Variants in PLCB1 observed in about 807,000 individuals in gnomAD.
The protein encoded by PLCB1 is phospholipase C beta 1.
A neutral mutation model predicts 161.8 loss-of-function variants in PLCB1; 46 were observed. That is an observed-to-expected ratio of 0.28 (90% CI 0.22 to 0.36). The LOEUF (loss-of-function observed/expected upper bound fraction) is 0.36, where lower values mean the gene tolerates loss of function less well. PLCB1 is among the 10% of genes least tolerant of loss of function. The probability of loss-of-function intolerance (pLI) is 1.00; values close to 1 mark genes in which losing one functional copy is unlikely to be tolerated. For synonymous variants in PLCB1, 517 were observed against 503.7 expected, an observed-to-expected ratio of 1.03 and a Z score of -0.35; for missense variants, 1,016 against 1,472.5, an observed-to-expected ratio of 0.69 and a Z score of 5.07.
intron 14 of PLCB1, among the ~76,000 whole-genome samples, chr20:8,721,894 A>G (rs1343266625): frequency 2.0e-5 from 3 of 152,146 alleles, no homozygotes; most frequent in African/African-American, 7.2e-5. Flanking sequence ...CTGGCCACGC[A>G]TTGCATGGAA....
At chr20:8,821,348 C>T (rs1456523124) in intron 31 of PLCB1, among the ~76,000 whole-genome samples, 1 of 150,014 alleles carries the variant, frequency 6.7e-6, no homozygotes, top group Non-Finnish European at 1.5e-5. Flanking sequence ...ACATGGTGGC[C>T]TGCGTCTGTA....
intron 3 of PLCB1, among the ~76,000 whole-genome samples, chr20:8,433,324 A>C (rs139628898): frequency 2.8e-4 from 42 of 151,480 alleles, no homozygotes; most frequent in Non-Finnish European, 5.5e-4. Context: ...AGAACAAGAA[A>C]GGATTCTAGA....
At chr20:8,156,971 T>C (rs1398251749) in intron 2 of PLCB1, among the ~76,000 whole-genome samples, 3 of 152,224 alleles carry the variant, frequency 2.0e-5, no homozygotes, top group Non-Finnish European at 4.4e-5. Context: ...TTTATTTATG[T>C]ATATCTTTTT....
intron 4 of PLCB1, among the ~76,000 whole-genome samples, chr20:8,629,869 C>A (rs1568536027): frequency 1.2e-5 from 1 of 80,134 alleles, no homozygotes; most frequent in African/African-American, 4.7e-5. Context: ...TTCTTTCTTT[C>A]TTTCTTTCTC....
intron 9 of PLCB1, among the ~76,000 whole-genome samples, chr20:8,666,281 A>G (rs73078020): frequency 0.036 from 5,466 of 152,210 alleles, 145 homozygotes; most frequent in South Asian, 0.098. Flanking sequence ...TCAACTCCCA[A>G]AAAAGGTGCT....
chr20:8,340,527 A>G (rs917590026), intron 2 of PLCB1, among the ~76,000 whole-genome samples: 6 of 151,862 alleles, frequency 4.0e-5, no homozygotes, highest in South Asian at 2.1e-4. Flanking sequence ...GGTTCACGCC[A>G]TTCTCCTGCC....
At chr20:8,276,986 CTTATTATTATTATTA>C (rs59903648) in intron 2 of PLCB1, among the ~76,000 whole-genome samples, 1 of 93,358 alleles carries the variant, frequency 1.1e-5, no homozygotes, top group Non-Finnish European at 2.0e-5. Flanking sequence ...TCTTCTTCTT[CTTATTATTATTATTA>C]TTATTATTAT....
chr20:8,799,839 T>C (rs1451314449), intron 31 of PLCB1, among the ~76,000 whole-genome samples: 2 of 152,228 alleles, frequency 1.3e-5, no homozygotes, highest in Non-Finnish European at 2.9e-5. Context: ...TACTTTGTCA[T>C]TTCTAGGTTA....
intron 2 of PLCB1, among the ~76,000 whole-genome samples, chr20:8,172,566 G>C (rs964413009): frequency 6.6e-6 from 1 of 152,168 alleles, no homozygotes; most frequent in African/African-American, 2.4e-5. Flanking sequence ...CATTGTAAGG[G>C]CTTTGGCTTT....
chr20:8,436,170 A>C (rs1423558926), intron 3 of PLCB1, among the ~76,000 whole-genome samples: 1 of 152,044 alleles, frequency 6.6e-6, no homozygotes, highest in Non-Finnish European at 1.5e-5. Flanking sequence ...ACCTGTCTCT[A>C]CTAAAAACAC....
At chr20:8,767,517 C>G (rs1223924218) in intron 26 of PLCB1, among the ~76,000 whole-genome samples, 1 of 152,148 alleles carries the variant, frequency 6.6e-6, no homozygotes, top group Non-Finnish European at 1.5e-5. Flanking sequence ...GGCCCTTCTT[C>G]AATTGCAAGA....
intron 3 of PLCB1, among the ~76,000 whole-genome samples, chr20:8,572,209 G>A (rs186855867): frequency 6.6e-6 from 1 of 152,132 alleles, no homozygotes; most frequent in Non-Finnish European, 1.5e-5. Context: ...TCAAGATAGA[G>A]GAACTACTGT....
intron 2 of PLCB1, among the ~76,000 whole-genome samples, chr20:8,351,891 G>C (rs1986191789): frequency 6.6e-6 from 1 of 152,040 alleles, no homozygotes; most frequent in East Asian, 1.9e-4. Context: ...ATTACTAATG[G>C]GGTTGCAAAA....
intron 3 of PLCB1, among the ~76,000 whole-genome samples, chr20:8,504,914 C>CT (rs1479359582): frequency 1.3e-5 from 2 of 152,172 alleles, no homozygotes; most frequent in African/African-American, 4.8e-5. Flanking sequence ...GTCACACAGG[C>CT]TGAAGTTCAG....
At chr20:8,824,974 T>A (rs1985619976) in intron 31 of PLCB1, among the ~76,000 whole-genome samples, 1 of 152,146 alleles carries the variant, frequency 6.6e-6, no homozygotes, top group Non-Finnish European at 1.5e-5. Flanking sequence ...GAAGCATCAT[T>A]GGAGTAGCTT....
At chr20:8,666,590 G>A (rs1989817501) in intron 9 of PLCB1, among the ~76,000 whole-genome samples, 1 of 152,170 alleles carries the variant, frequency 6.6e-6, no homozygotes. Flanking sequence ...TATTAGAAGA[G>A]GCAGTTTGCA....
chr20:8,827,446 T>A (rs1985760289), intron 31 of PLCB1, among the ~76,000 whole-genome samples: 1 of 152,200 alleles, frequency 6.6e-6, no homozygotes, highest in African/African-American at 2.4e-5. Flanking sequence ...ATAAGACCAT[T>A]TTTTCAAGTT....
chr20:8,651,276 G>T, intron 7 of PLCB1: 1 of 587,824 alleles, frequency 1.7e-6, no homozygotes, highest in Middle Eastern at 2.9e-4. Flanking sequence ...AATTATAAAA[G>T]TATTGAGTGC....
At chr20:8,208,312 C>T (rs920165664) in intron 2 of PLCB1, among the ~76,000 whole-genome samples, 2 of 152,042 alleles carry the variant, frequency 1.3e-5, no homozygotes, top group Non-Finnish European at 1.5e-5. Context: ...TTTCACTCTA[C>T]AGTTAAGCTA....
Sources: gnomAD v4.1 joint callset for allele counts (sites outside exome capture counted in the v4.1 genomes callset) on GRCh38, gnomAD v4.1.1 for gene constraint, MANE v1.5 for transcripts, NCBI Gene and HGNC (gene_info 2026-07-23, HGNC 2026-07-21) for gene names.